RCBTB1: variants seen among roughly 807,000 people sequenced by gnomAD.
The protein encoded by RCBTB1 is RCC1 and BTB domain-containing protein 1.
RCBTB1 carries 46 observed loss-of-function variants against 62.4 expected under a neutral mutation model. The observed-to-expected ratio is 0.74, with a 90% confidence interval of 0.58 to 0.94. The LOEUF (loss-of-function observed/expected upper bound fraction) is 0.94, where lower values mean the gene tolerates loss of function less well. RCBTB1 is among the 40% of genes least tolerant of loss of function. RCBTB1 has a pLI of 0.00. For missense variants in RCBTB1, 565 were observed against 654.9 expected, an observed-to-expected ratio of 0.86 and a Z score of 1.50; for synonymous variants, 222 against 245.8, an observed-to-expected ratio of 0.90 and a Z score of 0.91.
At chr13:49,572,796 T>TCA (rs1963497324) in intron 2 of RCBTB1, among the ~76,000 whole-genome samples, 1 of 152,164 alleles carries the variant, frequency 6.6e-6, no homozygotes. Context: ...AGACTCTGTC[T>TCA]CAAAATAATA....
chr13:49,560,664 G>GT (rs1962365604), intron 4 of RCBTB1, among the ~76,000 whole-genome samples: 1 of 148,908 alleles, frequency 6.7e-6, no homozygotes, highest in Non-Finnish European at 1.5e-5. Context: ...CATTTATTCT[G>GT]TGTCAGGAAT....
At chr13:49,579,348 G>A (rs750597161) in intron 2 of RCBTB1, among the ~76,000 whole-genome samples, 44 of 152,214 alleles carry the variant, frequency 2.9e-4, no homozygotes, top group Non-Finnish European at 5.7e-4. Context: ...GGGAGGCCGG[G>A]CGTGGTGGCT....
In RCBTB1 at chr13:49,544,818, A is replaced by G. The variant is rs1960670904; in HGVS notation, c.1091T>C (p.Phe364Ser). 1.2e-6 allele frequency: 2 copies of G among 1,612,054 alleles called. No homozygotes were observed. Among genetic ancestry groups the G allele is most frequent in the South Asian group, 1.1e-5 (1 of 91,040 alleles). Residue 364 changes from phenylalanine to serine, a missense_variant, in exon 10 of 13, where the codon TTT becomes TCT. Transcript: ENST00000378302. ...LTVAESLKKE[F>S]DSPETADLKF... ...CAGATCAGCAGTTTCTGGACTATCA[A>G]ATTCTTTCTTCAGTGACTCTGCAAC...
intron 11 of RCBTB1, 42 bp from the exon 12 acceptor site, chr13:49,541,048 A>G: frequency 6.4e-7 from 1 of 1,570,532 alleles, no homozygotes; most frequent in Non-Finnish European, 8.7e-7. Flanking sequence ...AATGTATAAT[A>G]ATTTCCAATA....
intron 4 of RCBTB1, among the ~76,000 whole-genome samples, chr13:49,561,971 C>T (rs962070286): frequency 1.3e-5 from 2 of 151,234 alleles, no homozygotes; most frequent in African/African-American, 2.4e-5. Flanking sequence ...GGCATGGTAG[C>T]GCGCACCTGT....
chr13:49,560,440 A>G (rs1962344601), intron 4 of RCBTB1, among the ~76,000 whole-genome samples: 2 of 152,202 alleles, frequency 1.3e-5, no homozygotes, highest in Admixed American at 6.5e-5. Flanking sequence ...GCTCGATGTT[A>G]ATGTTTACCA....
intron 9 of RCBTB1, among the ~76,000 whole-genome samples, chr13:49,548,120 A>G (rs973752455): frequency 6.6e-6 from 1 of 151,884 alleles, no homozygotes; most frequent in Non-Finnish European, 1.5e-5. Flanking sequence ...GACCAGGCGC[A>G]GTGGCTCACG....
At chr13:49,567,006 A>T in intron 3 of RCBTB1, 148 bp downstream of exon 3, 1 of 793,686 alleles carries the variant, frequency 1.3e-6, no homozygotes, top group Non-Finnish European at 1.9e-6. Context: ...AGAAACTGAA[A>T]AAAGAGAAAC....
At chr13:49,549,814 A>G (rs1334762710) in intron 8 of RCBTB1, 166 bp from the exon 9 acceptor site, 3 of 985,266 alleles carry the variant, frequency 3.0e-6, no homozygotes, top group Non-Finnish European at 3.6e-6. Context: ...GATCAGGGCA[A>G]GAGCACTGTT....
intron 10 of RCBTB1, among the ~76,000 whole-genome samples, chr13:49,544,064 T>C (rs903278506): frequency 7.9e-5 from 12 of 152,240 alleles, no homozygotes; most frequent in Admixed American, 7.8e-4. Context: ...TTCTGCTTAA[T>C]CTATAATTAA....
At chr13:49,547,035 T>C in intron 9 of RCBTB1, 2 of 1,204,360 alleles carry the variant, frequency 1.7e-6, no homozygotes, top group Non-Finnish European at 2.1e-6. Flanking sequence ...AAGCCTTTTA[T>C]AACAAGTCCA....
intron 5 of RCBTB1, 132 bp downstream of exon 5, chr13:49,559,786 G>A (rs986200859): frequency 2.7e-6 from 2 of 734,664 alleles, no homozygotes; most frequent in Non-Finnish European, 4.2e-6. Context: ...GGTGACAGTT[G>A]TATGACAAGG....
At chr13:49,563,656 CA>C (rs57945792) in intron 4 of RCBTB1, among the ~76,000 whole-genome samples, 36,951 of 151,508 alleles carry the variant, frequency 0.24, 5,763 homozygotes, top group African/African-American at 0.44. Flanking sequence ...GAGACTGTCT[CA>C]AAAGAAAAAA....
At chr13:49,585,245 T>C (rs1964334305) in intron 1 of RCBTB1, among the ~76,000 whole-genome samples, 199 bp downstream of exon 1, 1 of 152,014 alleles carries the variant, frequency 6.6e-6, no homozygotes, top group African/African-American at 2.4e-5. Flanking sequence ...TTAGCTGAGG[T>C]GCTGGCGGGG....
intron 2 of RCBTB1, among the ~76,000 whole-genome samples, chr13:49,574,112 A>G (rs1197571645): frequency 7.0e-6 from 1 of 143,094 alleles, no homozygotes; most frequent in African/African-American, 2.6e-5. Flanking sequence ...TATAGTCCCA[A>G]ATTTCTTTTT....
chr13:49,538,141 C>T (rs1960070856), intron 12 of RCBTB1: 1 of 152,186 alleles, frequency 6.6e-6, no homozygotes, highest in African/African-American at 2.4e-5. Context: ...AGCCTCCAAT[C>T]AACTAATAAA....
chr13:49,558,702 A>AAAAT (rs1962156990), intron 5 of RCBTB1, among the ~76,000 whole-genome samples: 1 of 151,258 alleles, frequency 6.6e-6, no homozygotes, highest in Non-Finnish European at 1.5e-5. Context: ...CTCCAAAAAA[A>AAAAT]AAAAAAAAAA....
intron 12 of RCBTB1, among the ~76,000 whole-genome samples, chr13:49,534,595 T>C (rs760539303): frequency 1.1e-4 from 17 of 152,160 alleles, no homozygotes; most frequent in Non-Finnish European, 1.9e-4. Flanking sequence ...CTCAAAGACA[T>C]TGTTGTAAAA....
intron 5 of RCBTB1, among the ~76,000 whole-genome samples, chr13:49,559,659 A>AAAAAG (rs1462504382): frequency 2.0e-5 from 3 of 150,734 alleles, no homozygotes; most frequent in African/African-American, 7.3e-5. Context: ...CCATCTCAAA[A>AAAAAG]AAAAAAAAAA....
Sources: allele counts gnomAD v4.1 joint callset (sites outside exome capture counted in the v4.1 genomes callset), GRCh38; gene constraint gnomAD v4.1.1; transcripts MANE v1.5; gene names NCBI Gene and HGNC (gene_info 2026-07-23, HGNC 2026-07-21).